The following CTIF variants were observed in gnomAD, a reference collection of about 807,000 sequenced individuals.
CTIF encodes cap binding complex dependent translation initiation factor.
A neutral mutation model predicts 66.0 loss-of-function variants in CTIF; 21 were observed. The ratio of observed to expected loss-of-function variants is 0.32; its 90% CI spans 0.23 to 0.46. The LOEUF (loss-of-function observed/expected upper bound fraction) is 0.46, where lower values mean the gene tolerates loss of function less well. CTIF is among the 20% of genes least tolerant of loss of function. The pLI is 1.00. For missense variants in CTIF, 739 were observed against 812.7 expected, an observed-to-expected ratio of 0.91 and a Z score of 1.10; for synonymous variants, 345 against 326.4, an observed-to-expected ratio of 1.06 and a Z score of -0.62.
intron 6 of CTIF, among the ~76,000 whole-genome samples, chr18:48,673,343 T>C (rs1168318643): frequency 1.3e-5 from 2 of 152,166 alleles, no homozygotes. Flanking sequence ...GTCGTCCCTC[T>C]GTCTCTGAGT....
intron 3 of CTIF, among the ~76,000 whole-genome samples, chr18:48,660,193 C>G (rs1017053627): frequency 6.6e-6 from 1 of 150,864 alleles, no homozygotes; most frequent in Non-Finnish European, 1.5e-5. Flanking sequence ...GATATGTTCC[C>G]TGAGTTGTTG....
intron 9 of CTIF, among the ~76,000 whole-genome samples, chr18:48,765,463 C>A (rs1235606286): frequency 1.3e-5 from 2 of 152,240 alleles, no homozygotes; most frequent in East Asian, 3.9e-4. Context: ...CTTAGCACAG[C>A]TCCCAGCAGT....
At chr18:48,558,808 T>C (rs960436263) in intron 1 of CTIF, among the ~76,000 whole-genome samples, 2 of 152,324 alleles carry the variant, frequency 1.3e-5, no homozygotes, top group Non-Finnish European at 2.9e-5. Context: ...CATCTTAGCA[T>C]CAAACATGCT....
At chr18:48,798,168 G>A (rs933338792) in intron 9 of CTIF, among the ~76,000 whole-genome samples, 7 of 152,202 alleles carry the variant, frequency 4.6e-5, no homozygotes, top group East Asian at 1.9e-4. Flanking sequence ...GGACACTGGC[G>A]TGGGAGGTAT....
intron 1 of CTIF, among the ~76,000 whole-genome samples, chr18:48,545,693 G>A (rs1405815548): frequency 6.6e-6 from 1 of 152,150 alleles, no homozygotes; most frequent in African/African-American, 2.4e-5. Context: ...ATTGCTGGTA[G>A]GATAGTGGGG....
Position 48,610,187 on chromosome 18 carries a change from A to G in CTIF, c.-28-9351A>G, listed in dbSNP as rs1423839320. ...AGGCAAAAACCTATAAAAAAAATTC[A>G]AGAGCAGGGCAAGAGTTGGGTAGCA... is the stretch of plus-strand genomic sequence containing the variant. On this transcript the variant is annotated intron_variant, in intron 1 of 11. Transcript: ENST00000256413. Among the ~76,000 whole-genome samples, 6 of 152,188 alleles carry G rather than the reference A, an allele frequency of 3.9e-5. No homozygotes were observed. The South Asian group carries it at 8.3e-4, about 21-fold the overall frequency.
At chr18:48,714,068 T>A (rs2092255759) in intron 7 of CTIF, among the ~76,000 whole-genome samples, 2 of 151,852 alleles carry the variant, frequency 1.3e-5, no homozygotes, top group African/African-American at 4.8e-5. Flanking sequence ...AAAGCAGGGG[T>A]CTCCTGAGTC....
intron 1 of CTIF, among the ~76,000 whole-genome samples, chr18:48,589,092 C>T (rs927783553): frequency 1.3e-5 from 2 of 152,158 alleles, no homozygotes; most frequent in Admixed American, 6.5e-5. Flanking sequence ...TGGGTCACGT[C>T]GTTGGAGGTT....
chr18:48,565,019 C>T (rs1306083811), intron 1 of CTIF: 1 of 152,186 alleles, frequency 6.6e-6, no homozygotes, highest in East Asian at 1.9e-4. Flanking sequence ...TACTTGAATA[C>T]TGTGTTAATT....
intron 6 of CTIF, among the ~76,000 whole-genome samples, chr18:48,690,788 C>G (rs994436648): frequency 6.6e-6 from 1 of 151,958 alleles, no homozygotes; most frequent in African/African-American, 2.4e-5. Flanking sequence ...CTTTACTTCC[C>G]CATTTCCTCC....
intron 7 of CTIF, among the ~76,000 whole-genome samples, chr18:48,740,384 AG>A (rs1392207988): frequency 6.6e-6 from 1 of 152,174 alleles, no homozygotes; most frequent in African/African-American, 2.4e-5. Context: ...CTAACTTTCC[AG>A]AACCTCTTCC....
At chr18:48,643,295 A>G (rs1018052748) in intron 3 of CTIF, among the ~76,000 whole-genome samples, 4 of 152,380 alleles carry the variant, frequency 2.6e-5, no homozygotes, top group Admixed American at 2.6e-4. Context: ...GAAGACCCAA[A>G]GATACAGGGA....
chr18:48,652,621 C>T (rs1337986320), intron 3 of CTIF, among the ~76,000 whole-genome samples: 1 of 152,194 alleles, frequency 6.6e-6, no homozygotes, highest in Non-Finnish European at 1.5e-5. Context: ...TCCTCTCTAA[C>T]TCATTTTATA....
At chr18:48,666,127 T>A (rs2091431696) in intron 5 of CTIF, among the ~76,000 whole-genome samples, 3 of 152,182 alleles carry the variant, frequency 2.0e-5, no homozygotes, top group African/African-American at 7.2e-5. Context: ...TTTTTTTTCT[T>A]TCTTGGTTTT....
At chr18:48,665,203 C>T (rs1032873447) in intron 5 of CTIF, among the ~76,000 whole-genome samples, 2 of 152,042 alleles carry the variant, frequency 1.3e-5, no homozygotes, top group Admixed American at 6.5e-5. Context: ...CATGAGCCAC[C>T]GCGCCCGGCC....
chr18:48,759,248 A>G (rs753006777), intron 8 of CTIF, among the ~76,000 whole-genome samples: 173 of 152,318 alleles, frequency 1.1e-3, no homozygotes, highest in Non-Finnish European at 2.0e-3. Flanking sequence ...AAGAAAGGCC[A>G]ACTTGCCCAC....
intron 3 of CTIF, among the ~76,000 whole-genome samples, chr18:48,645,586 T>C (rs1380524267): frequency 6.6e-6 from 1 of 152,146 alleles, no homozygotes; most frequent in Non-Finnish European, 1.5e-5. Context: ...CCCCGCCAAC[T>C]GGTGAGAAGG....
intron 1 of CTIF, among the ~76,000 whole-genome samples, chr18:48,596,197 G>T (rs1321932523): frequency 6.6e-6 from 1 of 152,174 alleles, no homozygotes; most frequent in Non-Finnish European, 1.5e-5. Flanking sequence ...AAAGAACAGA[G>T]GTTTAAACAA....
chr18:48,637,281 G>T (rs904504273), intron 3 of CTIF, among the ~76,000 whole-genome samples: 1 of 152,182 alleles, frequency 6.6e-6, no homozygotes, highest in African/African-American at 2.4e-5. Context: ...GGGTTGCATG[G>T]CTGGGAGGGA....
Sources: allele counts gnomAD v4.1 joint callset (sites outside exome capture counted in the v4.1 genomes callset), GRCh38; gene constraint gnomAD v4.1.1; transcripts MANE v1.5; gene names NCBI Gene and HGNC (gene_info 2026-07-23, HGNC 2026-07-21).